NAALADL2: variants seen among roughly 807,000 people sequenced by gnomAD.
The protein encoded by NAALADL2 is inactive N-acetylated-alpha-linked acidic dipeptidase-like protein 2.
NAALADL2 carries 76 observed loss-of-function variants against 87.2 expected under a neutral mutation model. The ratio of observed to expected loss-of-function variants is 0.87; its 90% confidence interval spans 0.72 to 1.05. NAALADL2 has a LOEUF of 1.05. Ranked by LOEUF, NAALADL2 falls within the 50% of genes least tolerant of loss-of-function variation. NAALADL2 has a pLI of 0.00. For missense variants in NAALADL2, 1,089 were observed against 945.8 expected, an observed-to-expected ratio of 1.15 and a Z score of -1.99; for synonymous variants, 354 against 331.0, an observed-to-expected ratio of 1.07 and a Z score of -0.75.
rs71310588 is a variant in NAALADL2, at chr3:174,539,978, A to G, written c.-183-10591A>G. Reference sequence around the variant, plus strand: ...CCAAGAGAGAATTAGGAAGTTCTGGAAAAAAAAAAAAAAAAAAAAAAAAAA... The same window carrying G: ...CCAAGAGAGAATTAGGAAGTTCTGGGAAAAAAAAAAAAAAAAAAAAAAAAA... On this transcript the variant is annotated intron_variant, in intron 1 of 3. Transcript: ENST00000434257. 2.1e-3 allele frequency among the ~76,000 whole-genome samples: 65 copies of G among 31,232 alleles called. No homozygotes were observed. In the East Asian group the frequency reaches 0.12, roughly 58 times the overall value. The allele number at this position is 31,232 out of a possible 152,430, so 20.5% of individuals were successfully genotyped here.
At chr3:175,611,507 G>A (rs951155809) in intron 10 of NAALADL2, among the ~76,000 whole-genome samples, 1 of 152,024 alleles carries the variant, frequency 6.6e-6, no homozygotes, top group African/African-American at 2.4e-5. Context: ...AGAAAAAAGA[G>A]GCAATTTGTT....
At chr3:174,779,227 C>G (rs1336798443) in intron 3 of NAALADL2, among the ~76,000 whole-genome samples, 2 of 152,134 alleles carry the variant, frequency 1.3e-5, no homozygotes, top group African/African-American at 4.8e-5. Context: ...CTCTAATGAC[C>G]AGTGATGATG....
chr3:174,941,426 G>A (rs1442535313), intron 1 of NAALADL2, among the ~76,000 whole-genome samples: 2 of 152,034 alleles, frequency 1.3e-5, no homozygotes, highest in African/African-American at 4.8e-5. Flanking sequence ...TTATGTGGCT[G>A]ATTTTAGATT....
intron 2 of NAALADL2, among the ~76,000 whole-genome samples, chr3:174,629,167 A>G: frequency 6.6e-6 from 1 of 152,178 alleles, no homozygotes. Context: ...ATTTAGGGGC[A>G]GTTATGCTTA....
chr3:175,704,244 AAGTGGGGCTGTT>A (rs1666075589), intron 11 of NAALADL2, among the ~76,000 whole-genome samples: 1 of 152,136 alleles, frequency 6.6e-6, no homozygotes, highest in Non-Finnish European at 1.5e-5. Context: ...TATTAGTAGA[AAGTGGGGCTGTT>A]CGCTGTGGAA....
intron 1 of NAALADL2, among the ~76,000 whole-genome samples, chr3:175,036,433 T>G (rs1753417311): frequency 6.6e-6 from 1 of 151,848 alleles, no homozygotes; most frequent in Non-Finnish European, 1.5e-5. Context: ...AGAGTCTCGC[T>G]CTGTCACCCA....
intron 10 of NAALADL2, among the ~76,000 whole-genome samples, chr3:175,619,726 A>G (rs1341792598): frequency 6.6e-6 from 1 of 152,116 alleles, no homozygotes; most frequent in Non-Finnish European, 1.5e-5. Context: ...ATAAGAACAC[A>G]TAGGAGCCCT....
At chr3:174,957,594 TAGG>T (rs1741338587) in intron 1 of NAALADL2, among the ~76,000 whole-genome samples, 1 of 151,680 alleles carries the variant, frequency 6.6e-6, no homozygotes, top group Non-Finnish European at 1.5e-5. Context: ...TAAACTGTGG[TAGG>T]AGAATTTTTT....
At chr3:175,514,988 C>A (rs1235467894) in intron 9 of NAALADL2, among the ~76,000 whole-genome samples, 1 of 152,090 alleles carries the variant, frequency 6.6e-6, no homozygotes, top group African/African-American at 2.4e-5. Context: ...TCCCTAAGCT[C>A]CACCTCCAAG....
chr3:175,258,324 C>CAAAAA lies in NAALADL2; in HGVS notation c.939+1809_939+1813dup, dbSNP rs1287997792. ...GACTCCGTCCCTCCGCCCCCACCAC[C>CAAAAA]AAAAAAAAAAAAAAAAAAAGAAAGA... On this transcript the variant is annotated intron_variant, in intron 4 of 13. Coordinates refer to ENST00000454872, the MANE Select transcript of NAALADL2 (RefSeq NM_207015.3). Among the ~76,000 whole-genome samples the CAAAAA allele has an allele frequency of 1.3e-4, 13 of 100,686 alleles. 1 individual carries two copies. Among genetic ancestry groups the CAAAAA allele is most frequent in the African/African-American group, 1.8e-4 (5 of 27,646 alleles). 66.1% of individuals were successfully genotyped at this position (100,686 alleles called of 152,430 possible).
intron 11 of NAALADL2, among the ~76,000 whole-genome samples, chr3:175,635,659 T>C (rs1349151785): frequency 8.5e-5 from 13 of 152,128 alleles, no homozygotes; most frequent in Admixed American, 8.5e-4. Context: ...TAAATATAAG[T>C]CCTTCCTATT....
chr3:175,028,120 C>T (rs1353969842), intron 1 of NAALADL2, among the ~76,000 whole-genome samples: 1 of 151,780 alleles, frequency 6.6e-6, no homozygotes, highest in Non-Finnish European at 1.5e-5. Context: ...GTTTCCTACG[C>T]CAGTCAAAAG....
At chr3:174,560,408 C>G (rs975442746) in intron 2 of NAALADL2, among the ~76,000 whole-genome samples, 1 of 152,108 alleles carries the variant, frequency 6.6e-6, no homozygotes, top group African/African-American at 2.4e-5. Context: ...GTCTGCACAG[C>G]TAATGCAAAG....
At chr3:175,173,455 T>C (rs1403823630) in intron 2 of NAALADL2, among the ~76,000 whole-genome samples, 1 of 152,108 alleles carries the variant, frequency 6.6e-6, no homozygotes, top group Non-Finnish European at 1.5e-5. Flanking sequence ...TGAGCCAACG[T>C]CGTGCCACTG....
intron 4 of NAALADL2, among the ~76,000 whole-genome samples, chr3:175,307,755 G>T (rs1200849590): frequency 2.0e-5 from 3 of 152,114 alleles, no homozygotes; most frequent in Non-Finnish European, 4.4e-5. Context: ...TAGCAACAAA[G>T]TATGTACTTA....
intron 1 of NAALADL2, among the ~76,000 whole-genome samples, chr3:174,961,756 A>G (rs1179695576): frequency 6.6e-6 from 1 of 152,052 alleles, no homozygotes; most frequent in Non-Finnish European, 1.5e-5. Flanking sequence ...ATATAATTAC[A>G]TCCTGACTCT....
At chr3:175,297,553 T>C (rs1292676117) in intron 4 of NAALADL2, among the ~76,000 whole-genome samples, 2 of 152,220 alleles carry the variant, frequency 1.3e-5, no homozygotes, top group African/African-American at 4.8e-5. Flanking sequence ...TTGGTTAGTA[T>C]GTCTTTATCA....
intron 2 of NAALADL2, among the ~76,000 whole-genome samples, chr3:174,606,941 A>G (rs1719145787): frequency 1.3e-5 from 2 of 152,210 alleles, no homozygotes; most frequent in African/African-American, 4.8e-5. Context: ...CCACAAAGGG[A>G]AGCCCATCAG....
At chr3:174,752,334 G>A (rs1231361432) in intron 3 of NAALADL2, among the ~76,000 whole-genome samples, 1 of 152,076 alleles carries the variant, frequency 6.6e-6, no homozygotes, top group Non-Finnish European at 1.5e-5. Context: ...TGCTGCTATT[G>A]CATTTATTAA....
Sources: allele counts gnomAD v4.1 joint callset (sites outside exome capture counted in the v4.1 genomes callset), GRCh38; gene constraint gnomAD v4.1.1; transcripts MANE v1.5; gene names NCBI Gene and HGNC (gene_info 2026-07-23, HGNC 2026-07-21).